ST6GALNAC3: variants seen among roughly 807,000 people sequenced by gnomAD.
ST6GALNAC3 encodes alpha-N-acetylgalactosaminide alpha-2,6-sialyltransferase 3.
A neutral mutation model predicts 32.7 loss-of-function variants in ST6GALNAC3; 25 were observed. The ratio of observed to expected loss-of-function variants is 0.76; its 90% confidence interval spans 0.56 to 1.07. The LOEUF is 1.07. ST6GALNAC3 is among the 50% of genes least tolerant of loss of function. ST6GALNAC3 has a pLI of 0.00. For synonymous variants in ST6GALNAC3, 129 were observed against 133.1 expected, an observed-to-expected ratio of 0.97 and a Z score of 0.21; for missense variants, 355 against 382.4, an observed-to-expected ratio of 0.93 and a Z score of 0.60.
At chr1:76,338,066 A>G (rs1447588415) in intron 2 of ST6GALNAC3, among the ~76,000 whole-genome samples, 4 of 152,088 alleles carry the variant, frequency 2.6e-5, no homozygotes. Context: ...GCGTGGGGGA[A>G]CTGCACAGTA....
chr1:76,124,139 C>T (rs574412393), intron 1 of ST6GALNAC3, among the ~76,000 whole-genome samples: 9 of 152,100 alleles, frequency 5.9e-5, no homozygotes, highest in Admixed American at 3.9e-4. Flanking sequence ...AAAAGGGGCA[C>T]GCAGAATTTA....
At chr1:76,318,893 G>A (rs1646917455) in intron 2 of ST6GALNAC3, among the ~76,000 whole-genome samples, 1 of 152,138 alleles carries the variant, frequency 6.6e-6, no homozygotes, top group African/African-American at 2.4e-5. Flanking sequence ...CTCCTGTTGA[G>A]ATCATGGCAG....
chr1:76,623,385 C>A (rs993048113), intron 3 of ST6GALNAC3, among the ~76,000 whole-genome samples: 1 of 151,906 alleles, frequency 6.6e-6, no homozygotes, highest in African/African-American at 2.4e-5. Context: ...GCCCATTATT[C>A]TGCTGCATTA....
chr1:76,224,383 T>C (rs1167723545), intron 1 of ST6GALNAC3, among the ~76,000 whole-genome samples: 1 of 152,174 alleles, frequency 6.6e-6, no homozygotes, highest in East Asian at 1.9e-4. Flanking sequence ...TAAATGCTCA[T>C]TAAATATTGT....
At chr1:76,426,372 A>G (rs970789055) in intron 3 of ST6GALNAC3, among the ~76,000 whole-genome samples, 5 of 151,822 alleles carry the variant, frequency 3.3e-5, no homozygotes, top group African/African-American at 1.2e-4. Flanking sequence ...TTAGTTCATT[A>G]TCCTAGGCCT....
At chr1:76,415,171 C>CTTTTTTTTTTTTTT (rs71072000) in intron 3 of ST6GALNAC3, among the ~76,000 whole-genome samples, 2 of 70,462 alleles carry the variant, frequency 2.8e-5, no homozygotes, top group East Asian at 4.4e-4. Flanking sequence ...GGATTCATGT[C>CTTTTTTTTTTTTTT]TTTTTTTTTT....
intron 3 of ST6GALNAC3, among the ~76,000 whole-genome samples, chr1:76,618,550 T>A (rs950992144): frequency 5.9e-5 from 9 of 152,186 alleles, no homozygotes; most frequent in African/African-American, 1.9e-4. Context: ...TTTTGCTGCA[T>A]AACAAACAAT....
At chr1:76,094,677 C>T (rs1647098727) in intron 1 of ST6GALNAC3, among the ~76,000 whole-genome samples, 1 of 152,110 alleles carries the variant, frequency 6.6e-6, no homozygotes. Flanking sequence ...ATTTACATTT[C>T]CAAAGATTGT....
chr1:76,480,204 C>T (rs1057095126), intron 3 of ST6GALNAC3, among the ~76,000 whole-genome samples: 2 of 152,146 alleles, frequency 1.3e-5, no homozygotes, highest in African/African-American at 4.8e-5. Context: ...AACTACTGAA[C>T]TGAAATAGAT....
intron 3 of ST6GALNAC3, among the ~76,000 whole-genome samples, chr1:76,544,919 A>C (rs1371403077): frequency 1.3e-5 from 2 of 152,238 alleles, no homozygotes; most frequent in African/African-American, 4.8e-5. Context: ...ACACCCACAA[A>C]GTAGAAAGAA....
intron 3 of ST6GALNAC3, among the ~76,000 whole-genome samples, chr1:76,498,457 G>A (rs1471249072): frequency 7.2e-5 from 11 of 152,112 alleles, no homozygotes; most frequent in Admixed American, 7.2e-4. Context: ...ATGGCTTATG[G>A]TGACTGGGAT....
rs77790439 is a variant in ST6GALNAC3 at position 76,177,759 on chromosome 1, C to T, written c.18+102875C>T. 3.8e-3 allele frequency among the ~76,000 whole-genome samples: 584 copies of T among 152,274 alleles called. 5 individuals carry two copies. Among genetic ancestry groups the T allele is most frequent in the African/African-American group, 0.013 (534 of 41,542 alleles). On this transcript the variant is annotated intron_variant, in intron 1 of 4. Transcript: ENST00000328299. ...GTCTTCTTTCCTCTTTCATTCAGAT[C>T]GCTGTGTACAGAGGGAATGATGGTT...
intron 2 of ST6GALNAC3, among the ~76,000 whole-genome samples, chr1:76,398,689 AC>A (rs1653174271): frequency 6.6e-6 from 1 of 152,218 alleles, no homozygotes; most frequent in Admixed American, 6.5e-5. Context: ...ATGTTTGTGT[AC>A]ATGAAAATTG....
chr1:76,609,555 T>C (rs1296360212), intron 3 of ST6GALNAC3, among the ~76,000 whole-genome samples: 2 of 152,142 alleles, frequency 1.3e-5, no homozygotes, highest in African/African-American at 4.8e-5. Flanking sequence ...TAATATAGGG[T>C]CTATTAAGAT....
intron 1 of ST6GALNAC3, among the ~76,000 whole-genome samples, chr1:76,152,144 A>G (rs1339004402): frequency 6.6e-6 from 1 of 152,208 alleles, no homozygotes; most frequent in Non-Finnish European, 1.5e-5. Context: ...AGAATGGCTG[A>G]GCGTGTAAAT....
chr1:76,361,607 T>C (rs1268509256), intron 2 of ST6GALNAC3, among the ~76,000 whole-genome samples: 6 of 152,194 alleles, frequency 3.9e-5, no homozygotes, highest in Non-Finnish European at 7.3e-5. Context: ...GAAGGAAGAA[T>C]ATTTTTATAC....
intron 1 of ST6GALNAC3, among the ~76,000 whole-genome samples, chr1:76,189,883 G>A (rs1366573972): frequency 6.6e-6 from 1 of 152,162 alleles, no homozygotes; most frequent in East Asian, 1.9e-4. Flanking sequence ...GGGCCATTAA[G>A]TGGGGACCGA....
chr1:76,139,773 C>G (rs1220089437), intron 1 of ST6GALNAC3, among the ~76,000 whole-genome samples: 1 of 152,202 alleles, frequency 6.6e-6, no homozygotes, highest in Non-Finnish European at 1.5e-5. Flanking sequence ...ATCAGCCGGG[C>G]AAGTCACTTA....
intron 2 of ST6GALNAC3, among the ~76,000 whole-genome samples, chr1:76,393,866 G>A (rs913255517): frequency 6.6e-6 from 1 of 152,174 alleles, no homozygotes; most frequent in South Asian, 2.1e-4. Context: ...GGATACAAGA[G>A]TGGAGAAATG....
Sources: allele counts gnomAD v4.1 joint callset (sites outside exome capture counted in the v4.1 genomes callset), GRCh38; gene constraint gnomAD v4.1.1; transcripts MANE v1.5; gene names NCBI Gene and HGNC (gene_info 2026-07-23, HGNC 2026-07-21).